Variants in NFIX observed in about 807,000 individuals in gnomAD.
NFIX encodes the protein nuclear factor 1 X-type.
Under a neutral mutation model 53.3 loss-of-function variants are expected in NFIX, and 2 were observed. That is an observed-to-expected ratio of 0.04 (90% CI 0.02 to 0.12). NFIX has a LOEUF of 0.12. NFIX is among the 10% of genes least tolerant of loss of function. NFIX has a pLI of 1.00. For synonymous variants in NFIX, 244 were observed against 289.0 expected (o/e 0.84, Z 1.58); for missense variants, 310 against 674.5 (o/e 0.46, Z 5.99).
At chr19:13,033,995 G>A (rs903215536) in intron 2 of NFIX, among the ~76,000 whole-genome samples, 1 of 152,178 alleles carries the variant, frequency 6.6e-6, no homozygotes, top group Non-Finnish European at 1.5e-5. Context: ...CTGTACAGAG[G>A]AGGACCCGAA....
chr19:13,001,190 A>C lies in NFIX; in HGVS notation c.27+5326A>C, dbSNP rs528367861. Among the ~76,000 whole-genome samples the C allele has an allele frequency of 6.6e-6, 1 of 152,278 alleles. No homozygotes were observed. Among genetic ancestry groups the C allele is most frequent in the South Asian group, 2.1e-4 (1 of 4,828 alleles). ...GCCAGGAGGACAGCTGTGAGCCACT[A>C]TCTGGGTTCTCCCAGATCGGTGTGC... is the stretch of plus-strand genomic sequence containing the variant. On this transcript the variant is annotated intron_variant, in intron 1 of 10. Coordinates refer to ENST00000592199, the MANE Select transcript of NFIX (RefSeq NM_001365902.3). The surrounding 1 kb of genome is among the most constrained non-coding windows in gnomAD (Gnocchi z 6.5).
At chr19:13,075,873 TGA>T (rs1484996608) in intron 6 of NFIX, among the ~76,000 whole-genome samples, 2 of 151,954 alleles carry the variant, frequency 1.3e-5, no homozygotes, top group African/African-American at 2.4e-5. Context: ...AGGGGTGCTG[TGA>T]GAGTCAGCAG....
Position 13,093,565 on chromosome 19 carries a change from C to T in NFIX, c.1495-1070C>T, listed in dbSNP as rs575112162. Among the ~76,000 whole-genome samples, 827 of 152,292 alleles carry T rather than the reference C, an allele frequency of 5.4e-3. 8 individuals carry two copies. Among genetic ancestry groups the T allele is most frequent in the African/African-American group, 0.019 (799 of 41,560 alleles). On this transcript the variant is annotated intron_variant, in intron 10 of 10. Coordinates refer to ENST00000592199, the MANE Select transcript of NFIX (RefSeq NM_001365902.3). This position sits in a 1 kb window ranked among gnomAD's most constrained non-coding sequence, Gnocchi z 4.7. Reference sequence around the variant, plus strand: ...ACATTTGAACCCTGGCTCTGTTGCCCGAGGGCTGTGTGGCCTCAGGCAGGT... The same window carrying T: ...ACATTTGAACCCTGGCTCTGTTGCCTGAGGGCTGTGTGGCCTCAGGCAGGT...
At position 13,045,243 on chromosome 19, in the gene NFIX, G is replaced by A. The variant is rs1445025885; in HGVS notation, c.559+19691G>A. Among the ~76,000 whole-genome samples, 1 of 152,184 alleles carries A rather than the reference G, an allele frequency of 6.6e-6. No homozygotes were observed. The highest frequency in any genetic ancestry group is 6.5e-5 in the Admixed American group (1 of 15,288). ...CCATGGATTTAGGTGGACAAACAGTGGTATCCTGGTCTGTGGCTAGCATGG... is the reference window on the plus strand; with the variant it reads ...CCATGGATTTAGGTGGACAAACAGTAGTATCCTGGTCTGTGGCTAGCATGG... On this transcript the variant is annotated intron_variant, in intron 2 of 10. Transcript: ENST00000592199. This position sits in a 1 kb window ranked among gnomAD's most constrained non-coding sequence, Gnocchi z 4.4.
rs1351645739 is a variant in NFIX, at chr19:13,013,047, G to A, written c.28-11974G>A. 6.8e-6 allele frequency among the ~76,000 whole-genome samples: 1 copy of A among 146,932 alleles called. No individual in the cohort carries two copies. The highest frequency in any genetic ancestry group is 1.5e-5 in the Non-Finnish European group (1 of 66,296). ...CTCTCTCTTCTGCCTTCGGGCCGCGGGGAGTTGCGCAGACTCTAAAAAAAA... is the reference window on the plus strand; with the variant it reads ...CTCTCTCTTCTGCCTTCGGGCCGCGAGGAGTTGCGCAGACTCTAAAAAAAA... On this transcript the variant is annotated intron_variant, in intron 1 of 10. Coordinates refer to ENST00000592199, the MANE Select transcript of NFIX (RefSeq NM_001365902.3). The surrounding 1 kb of genome is among the most constrained non-coding windows in gnomAD (Gnocchi z 5.9).
At chr19:13,024,742 G>C (rs1186536409) in intron 1 of NFIX, 1 of 1,532,572 alleles carries the variant, frequency 6.5e-7, no homozygotes, top group Non-Finnish European at 8.7e-7. Flanking sequence ...GGGAGAGAGA[G>C]AGAGAATAGG....
intron 2 of NFIX, among the ~76,000 whole-genome samples, chr19:13,069,600 A>G (rs1439964083): frequency 1.3e-5 from 2 of 152,090 alleles, no homozygotes; most frequent in Admixed American, 6.5e-5. Context: ...CGAGGAGGAA[A>G]GAAGTGGGGG....
In NFIX at chr19:13,079,397, T is replaced by G. The variant is rs535926943; in HGVS notation, c.1078+662T>G. Among the ~76,000 whole-genome samples, 8 of 152,296 alleles carry G rather than the reference T, an allele frequency of 5.3e-5. No homozygotes were observed. The South Asian group carries it at 1.5e-3, about 28-fold the overall frequency. On this transcript the variant is annotated intron_variant, in intron 7 of 10. Transcript: ENST00000592199. Reference sequence around the variant, plus strand: ...GGTGCTCAGGATGAGAACACCTAGATCGCCCTGAGGAGATAGGATCAGGCA... The same window carrying G: ...GGTGCTCAGGATGAGAACACCTAGAGCGCCCTGAGGAGATAGGATCAGGCA...
chr19:13,080,797 G>A (rs1462521947), intron 7 of NFIX, among the ~76,000 whole-genome samples: 3 of 149,990 alleles, frequency 2.0e-5, no homozygotes, highest in Non-Finnish European at 4.4e-5. Context: ...TCAGGAGATC[G>A]AGACCATTCT....
Position 13,043,668 on chromosome 19 carries a change from CCAGA to C in NFIX, c.559+18120_559+18123del, listed in dbSNP as rs1230869806. ...ACACCCCCTCTCTCACCCTTGCATC[CCAGA>C]CAGTGTCCCCCAGGGCCATGCAGGC... On this transcript the variant is annotated intron_variant, in intron 2 of 10. Transcript: ENST00000592199. This position sits in a 1 kb window ranked among gnomAD's most constrained non-coding sequence, Gnocchi z 4.0. 3.3e-5 allele frequency among the ~76,000 whole-genome samples: 5 copies of C among 152,324 alleles called. No individual in the cohort carries two copies. The East Asian group carries it at 9.7e-4, about 29-fold the overall frequency.
At chr19:13,059,735 G>T (rs1599810232) in intron 2 of NFIX, among the ~76,000 whole-genome samples, 1 of 145,266 alleles carries the variant, frequency 6.9e-6, no homozygotes, top group Non-Finnish European at 1.5e-5. Context: ...GGGCAAGAGG[G>T]ATGCTTTTTT....
chr19:13,071,514 G>A (rs1268488743), intron 2 of NFIX: 3 of 152,224 alleles, frequency 2.0e-5, no homozygotes, highest in Non-Finnish European at 4.4e-5. Flanking sequence ...AGGGCTGAGC[G>A]AAAGGGGAGG....
chr19:13,058,297 G>A (rs896860994), intron 2 of NFIX, among the ~76,000 whole-genome samples: 1 of 152,094 alleles, frequency 6.6e-6, no homozygotes, highest in Admixed American at 6.5e-5. Flanking sequence ...ATTATGTAGA[G>A]CACAGGCTTC....
intron 7 of NFIX, among the ~76,000 whole-genome samples, chr19:13,079,263 A>G (rs1415362309): frequency 6.6e-6 from 1 of 152,030 alleles, no homozygotes; most frequent in Non-Finnish European, 1.5e-5. Flanking sequence ...CGCTTTCTAG[A>G]AAGGAAGGGC....
chr19:13,034,618 G>C (rs2014050916), intron 2 of NFIX, among the ~76,000 whole-genome samples: 1 of 152,160 alleles, frequency 6.6e-6, no homozygotes, highest in Admixed American at 6.5e-5. Context: ...AGTGTCCTTG[G>C]AATCAGTTTG....
In NFIX at chr19:13,078,684, C is replaced by T; in HGVS notation, c.1027C>T (p.Arg343Cys). Residue 343 changes from arginine (R) to cysteine (C), a missense_variant, in exon 7 of 11, where the codon CGC becomes TGC. By Grantham distance (180) the Arg-to-Cys change is radical. This residue lies in a region of NFIX where 164 missense variants were observed against 284.4 expected (regional missense o/e 0.58). Coordinates refer to ENST00000592199, the MANE Select transcript of NFIX (RefSeq NM_001365902.3). This position sits in a 1 kb window ranked among gnomAD's most constrained non-coding sequence, Gnocchi z 4.7. ...CCTCTCCTCTCAGGGCAGCTCCCCG[C>T]GCATGGCTTTCACCCACCACCCGCT... ...SALSSQGSSPRMAFTHHPLPV... is the reference protein window; with the variant it reads ...SALSSQGSSPCMAFTHHPLPV... 6 of 1,599,720 alleles carry T rather than the reference C, an allele frequency of 3.8e-6. No individual in the cohort carries two copies. Among genetic ancestry groups the T allele is most frequent in the African/African-American group, 2.7e-5 (2 of 74,762 alleles).
chr19:13,080,721 C>T (rs1227812214), intron 7 of NFIX, among the ~76,000 whole-genome samples: 1 of 152,124 alleles, frequency 6.6e-6, no homozygotes. Flanking sequence ...CAGATACTGG[C>T]TGGGCGCGGT....
At chr19:13,032,085 C>A (rs1334809465) in intron 2 of NFIX, among the ~76,000 whole-genome samples, 1 of 152,214 alleles carries the variant, frequency 6.6e-6, no homozygotes, top group Non-Finnish European at 1.5e-5. Flanking sequence ...GGTGCTCGCA[C>A]AAAAGGCCTC....
rs372898544 is a variant in NFIX, at chr19:13,080,873, G to A, written c.1079-807G>A. ...AAATTAGCCGGGCGTGGTGGTGGGC[G>A]CCTGTAGTCCCAGCTACTCGGGAGG... On this transcript the variant is annotated intron_variant, in intron 7 of 10. Transcript: ENST00000592199. Among the ~76,000 whole-genome samples, 11 of 152,182 alleles carry A rather than the reference G, an allele frequency of 7.2e-5. No individual in the cohort carries two copies. The East Asian group carries it at 1.4e-3, about 19-fold the overall frequency.
Sources: gnomAD v4.1 joint callset for allele counts (sites outside exome capture counted in the v4.1 genomes callset) on GRCh38, gnomAD v4.1.1 for gene constraint, gnomAD v4.1.1 regional missense constraint, Gnocchi (gnomAD v3.1) non-coding constraint, MANE v1.5 for transcripts, NCBI Gene and HGNC (gene_info 2026-07-23, HGNC 2026-07-21) for gene names.